Variants in CSN2 observed in about 807,000 individuals in gnomAD.
CSN2 encodes the protein beta-casein.
In CSN2, 27 loss-of-function variants were observed where a neutral mutation model predicts 27.3. The ratio of observed to expected loss-of-function variants is 0.99; its 90% CI spans 0.73 to 1.36. The LOEUF is 1.36. Among genes scored for constraint, CSN2 ranks in the 40% most tolerant of loss-of-function variants. The pLI, the probability that CSN2 is intolerant of heterozygous loss-of-function variation, is 0.00. For missense variants in CSN2, 333 were observed against 264.5 expected (o/e 1.26, Z -1.80); for synonymous variants, 131 against 94.8 (o/e 1.38, Z -2.22).
chr4:69,964,548 CAA>C (rs1417935170), intron 1 of CSN2, among the ~76,000 whole-genome samples: 1 of 151,620 alleles, frequency 6.6e-6, no homozygotes, highest in Non-Finnish European at 1.5e-5. Flanking sequence ...TTACAGAAAA[CAA>C]ATATTTTTTC....
intron 3 of CSN2, 107 bp from the exon 4 acceptor site, chr4:69,959,176 T>C: frequency 1.2e-6 from 1 of 853,916 alleles, no homozygotes; most frequent in Non-Finnish European, 1.7e-6. Flanking sequence ...CATTAATAAC[T>C]TTGTATAATC....
At position 69,958,938 on chromosome 4, in the gene CSN2, C is replaced by A. The variant is rs1723485421; in HGVS notation, c.115G>T (p.Val39Phe). ...CCTTGCTGCTGGTCCTCATGTTTAA[C>A]CTTCTCAACTTTCTGCTAAAGATAT... ...ITEYKQKVEK[V>F]KHEDQQQGED... The change falls in exon 5 of 8, where the codon GTT (valine) becomes TTT (phenylalanine). Residue 39 changes from valine (V) to phenylalanine (F), a missense_variant. Val to Phe is a conservative substitution (Grantham distance 50). Coordinates refer to ENST00000353151, the MANE Select transcript of CSN2 (RefSeq NM_001891.4). The A allele has an allele frequency of 6.3e-7, 1 of 1,597,956 alleles. No individual in the cohort carries two copies. The highest frequency in any genetic ancestry group is 8.6e-7 in the Non-Finnish European group (1 of 1,168,932).
intron 1 of CSN2, among the ~76,000 whole-genome samples, chr4:69,964,042 C>G (rs1427843600): frequency 6.6e-6 from 1 of 152,096 alleles, no homozygotes; most frequent in Non-Finnish European, 1.5e-5. Flanking sequence ...TTCATTTTAA[C>G]ACTTTCCTTA....
chr4:69,964,981 CTTTG>C (rs1723748972), intron 1 of CSN2, among the ~76,000 whole-genome samples: 1 of 151,522 alleles, frequency 6.6e-6, no homozygotes. Context: ...CATCTATTAT[CTTTG>C]TTTATGGTTT....
chr4:69,957,361 A>G lies in CSN2; in HGVS notation c.588T>C (p.Leu196=), dbSNP rs779502945. ...YPQRAVPVQA[L]LLNQELLLNP... ...TAAGTAGAAGTTCTTGGTTGAGCAG[A>G]AGGGCTTGAACAGGCACAGCTCTCT... The change falls in exon 6 of 8, where the codon CTT becomes CTC. Residue 196 remains leucine, a synonymous_variant. Transcript: ENST00000353151. 13 of 1,613,004 alleles carry G rather than the reference A, an allele frequency of 8.1e-6. No individual in the cohort carries two copies. The highest frequency in any genetic ancestry group is 1.3e-5 in the African/African-American group (1 of 74,834).
At chr4:69,958,832 C>T (rs1486697036) in intron 5 of CSN2, 77 bp downstream of exon 5, 2 of 920,680 alleles carry the variant, frequency 2.2e-6, no homozygotes, top group African/African-American at 1.7e-5. Context: ...TTAGAATCAA[C>T]ATACACATTA....
intron 1 of CSN2, among the ~76,000 whole-genome samples, chr4:69,963,745 T>C (rs986477199): frequency 6.6e-6 from 1 of 151,906 alleles, no homozygotes; most frequent in Non-Finnish European, 1.5e-5. Context: ...ATAATAATAA[T>C]TTCAAAAGAC....
chr4:69,965,722 G>C lies in CSN2; in HGVS notation c.-54C>G, dbSNP rs560844672. On this transcript the variant is annotated 5_prime_UTR_variant, in exon 1 of 8. Transcript: ENST00000353151. ...AAGAGAAGTGAAGGTAGTGCTGGAT[G>C]GATGATGGTCCATCAGCTTCTGTGA... is the stretch of plus-strand genomic sequence containing the variant. Among the ~76,000 whole-genome samples, 182 of 151,920 alleles carry C rather than the reference G, an allele frequency of 1.2e-3. No homozygotes were observed. Among genetic ancestry groups the C allele is most frequent in the Non-Finnish European group, 2.2e-3 (152 of 67,906 alleles).
Position 69,957,396 on chromosome 4 carries a change from G to A in CSN2, c.553C>T (p.Pro185Ser), listed in dbSNP as rs1336600462. 6.2e-7 allele frequency: 1 copy of A among 1,613,484 alleles called. No individual in the cohort carries two copies. Among genetic ancestry groups the A allele is most frequent in the Admixed American group, 1.7e-5 (1 of 59,836 alleles). Residue 185 changes from proline (P) to serine (S), a missense_variant, in exon 6 of 8, where the codon CCC becomes TCC. Pro to Ser is a moderately conservative substitution (Grantham distance 74, BLOSUM62 -1). Coordinates refer to ENST00000353151, the MANE Select transcript of CSN2 (RefSeq NM_001891.4). ...ACAGGCACAGCTCTCTGAGGGTAGGGCACCACTTGCTGGGGGATAGGCAGG... is the reference window on the plus strand; with the variant it reads ...ACAGGCACAGCTCTCTGAGGGTAGGACACCACTTGCTGGGGGATAGGCAGG... ...KVLPIPQQVV[P>S]YPQRAVPVQA... is the part of the protein sequence containing the mutation.
chr4:69,955,661 T>G (rs1488086483), intron 7 of CSN2, 69 bp from the exon 8 acceptor site: 1 of 152,530 alleles, frequency 6.6e-6, no homozygotes, highest in East Asian at 1.9e-4. Flanking sequence ...CTCTTCACTT[T>G]TAACTTTGGT....
chr4:69,957,549 T>C lies in CSN2; in HGVS notation c.400A>G (p.Thr134Ala), dbSNP rs555260643. Reference protein sequence around the residue: ...PFFDPQIPKLTDLENLHLPLP... With the variant: ...PFFDPQIPKLADLENLHLPLP... The stretch of plus-strand genomic sequence containing the variant: ...GGAAGATGCAGATTTTCAAGATCAG[T>C]GAGTTTTGGGATTTGAGGGTCAAAA... Residue 134 changes from threonine (T) to alanine (A), a missense_variant, in exon 6 of 8, where the codon ACT becomes GCT. Coordinates refer to ENST00000353151, the MANE Select transcript of CSN2 (RefSeq NM_001891.4). 102 of 1,613,604 alleles carry C rather than the reference T, an allele frequency of 6.3e-5. 2 individuals are homozygous for C. In the South Asian group the frequency reaches 7.6e-4, roughly 12 times the overall value.
At position 69,955,564 on chromosome 4, in the gene CSN2, AG is replaced by A. The variant is rs1723371863; in HGVS notation, c.*64del. The A allele has an allele frequency of 6.6e-6, 1 of 152,548 alleles. No individual in the cohort carries two copies. The highest frequency in any genetic ancestry group is 2.4e-5 in the African/African-American group (1 of 41,466). 9.4% of individuals were successfully genotyped at this position (152,548 alleles called of 1,614,324 possible). On this transcript the variant is annotated 3_prime_UTR_variant, in exon 8 of 8. Transcript: ENST00000353151. ...GGGTAACGTGATACAAAGACGGAAAAGGCATCATATTTCCAGTCTCAGTCAA... is the reference window on the plus strand; with the variant it reads ...GGGTAACGTGATACAAAGACGGAAAAGCATCATATTTCCAGTCTCAGTCAA...
rs112194603 is a variant in CSN2, at chr4:69,958,901, C to A, written c.144+8G>T. On this transcript the variant is annotated splice_region_variant and intron_variant, in intron 5 of 7. Coordinates refer to ENST00000353151, the MANE Select transcript of CSN2 (RefSeq NM_001891.4). Reference sequence around the variant, plus strand: ...ATTTTAAACATATACTTATCATTAACAAATTACCTCTCCTTGCTGCTGGTC... The same window carrying A: ...ATTTTAAACATATACTTATCATTAAAAAATTACCTCTCCTTGCTGCTGGTC... The A allele has an allele frequency of 0.026, 41,001 of 1,564,680 alleles. 620 individuals are homozygous for A. Among genetic ancestry groups the A allele is most frequent in the East Asian group, 0.042 (1,853 of 44,124 alleles).
intron 6 of CSN2, among the ~76,000 whole-genome samples, 194 bp downstream of exon 6, chr4:69,957,080 C>T (rs1036646232): frequency 6.6e-5 from 10 of 152,024 alleles, no homozygotes; most frequent in African/African-American, 2.4e-4. Flanking sequence ...GTGCAGCACA[C>T]CAACATGGCA....
At chr4:69,962,715 A>C (rs1723639044) in intron 1 of CSN2, among the ~76,000 whole-genome samples, 1 of 152,240 alleles carries the variant, frequency 6.6e-6, no homozygotes, top group Non-Finnish European at 1.5e-5. Context: ...CAATGGCAAC[A>C]AAAGCCAAAA....
At chr4:69,961,580 T>A (rs1723586049) in intron 1 of CSN2, among the ~76,000 whole-genome samples, 2 of 152,132 alleles carry the variant, frequency 1.3e-5, no homozygotes, top group Non-Finnish European at 2.9e-5. Context: ...ATGGGACATA[T>A]CTCAAAATAA....
rs947194691 is a variant in CSN2, at chr4:69,957,179, GT to G, written c.675+94del. 12 of 1,268,158 alleles carry G rather than the reference GT, an allele frequency of 9.5e-6. No individual in the cohort carries two copies. In the African/African-American group the frequency reaches 1.1e-4, roughly 11 times the overall value. The allele number at this position is 1,268,158 out of a possible 1,614,324, so 78.6% of individuals were successfully genotyped here. A position where few individuals can be genotyped will look rare whatever the true frequency, so the allele number is the denominator to read the frequency against. On this transcript the variant is annotated intron_variant, in intron 6 of 7. Coordinates refer to ENST00000353151, the MANE Select transcript of CSN2 (RefSeq NM_001891.4). Reference sequence around the variant, plus strand: ...AATAAAAGAATCACTTATCTAAACTGTTTTTTTAATTCATTTACTCTACATT... The same window carrying G: ...AATAAAAGAATCACTTATCTAAACTGTTTTTTAATTCATTTACTCTACATT...
chr4:69,957,017 G>A (rs1419726110), intron 6 of CSN2, among the ~76,000 whole-genome samples: 1 of 152,008 alleles, frequency 6.6e-6, no homozygotes, highest in Non-Finnish European at 1.5e-5. Flanking sequence ...GTGGGGGTAG[G>A]GGGTAGGGAT....
At position 69,957,392 on chromosome 4, in the gene CSN2, T is replaced by A; in HGVS notation, c.557A>T (p.Tyr186Phe). The change falls in exon 6 of 8, where the codon TAC (tyrosine) becomes TTC (phenylalanine). Residue 186 changes from tyrosine (Y) to phenylalanine (F), a missense_variant. By Grantham distance (22) the Tyr-to-Phe change is conservative. Coordinates refer to ENST00000353151, the MANE Select transcript of CSN2 (RefSeq NM_001891.4). The part of the protein sequence containing the change: ...VLPIPQQVVP[Y>F]PQRAVPVQAL... ...TTGAACAGGCACAGCTCTCTGAGGG[T>A]AGGGCACCACTTGCTGGGGGATAGG... 6.2e-7 allele frequency: 1 copy of A among 1,613,362 alleles called. No homozygotes were observed.
Sources: allele counts gnomAD v4.1 joint callset (sites outside exome capture counted in the v4.1 genomes callset), GRCh38; gene constraint gnomAD v4.1.1; transcripts MANE v1.5; gene names NCBI Gene and HGNC (gene_info 2026-07-23, HGNC 2026-07-21).